OLFM3: variants seen among roughly 807,000 people sequenced by gnomAD.
OLFM3 encodes noelin-3.
A neutral mutation model predicts 48.6 loss-of-function variants in OLFM3; 20 were observed. The observed-to-expected ratio is 0.41, with a 90% CI of 0.29 to 0.60. The LOEUF is 0.60. Among genes scored for constraint, OLFM3 ranks in the 20% least tolerant of loss-of-function variants. The pLI, the probability that OLFM3 is intolerant of heterozygous loss-of-function variation, is 0.28. For synonymous variants in OLFM3, 222 were observed against 198.1 expected, an observed-to-expected ratio of 1.12 and a Z score of -1.01; for missense variants, 437 against 544.3, an observed-to-expected ratio of 0.80 and a Z score of 1.96.
At chr1:101,868,765 A>T (rs12033269) in intron 1 of OLFM3, among the ~76,000 whole-genome samples, 10,044 of 152,212 alleles carry the variant, frequency 0.066, 794 homozygotes, top group East Asian at 0.32. Context: ...GGCTGGGCCC[A>T]GGCTTCCCCT....
At chr1:101,831,911 T>C (rs1655170878) in intron 2 of OLFM3, among the ~76,000 whole-genome samples, 1 of 152,240 alleles carries the variant, frequency 6.6e-6, no homozygotes, top group Admixed American at 6.5e-5. Context: ...TTGTTGTTGC[T>C]GTTTTTTGTG....
rs79596177 is a variant in OLFM3 at position 101,905,895 on chromosome 1, G to T, written c.70-68870C>A. Among the ~76,000 whole-genome samples the T allele has an allele frequency of 7.9e-3, 1,197 of 152,150 alleles. 21 individuals are homozygous for T. The highest frequency in any genetic ancestry group is 0.028 in the African/African-American group (1,155 of 41,490). On this transcript the variant is annotated intron_variant, in intron 1 of 5. Transcript: ENST00000370103. ...ACCACAATTCTCAGCAATGCAACCA[G>T]GAAATGATCTACTCTTATTGTATTA... is the stretch of plus-strand genomic sequence containing the variant.
chr1:101,865,504 G>T (rs1416420356), intron 1 of OLFM3, among the ~76,000 whole-genome samples: 2 of 152,092 alleles, frequency 1.3e-5, no homozygotes, highest in African/African-American at 4.8e-5. Flanking sequence ...TATTCTGGTA[G>T]CTTCTCCAAG....
intron 1 of OLFM3, among the ~76,000 whole-genome samples, chr1:101,925,994 A>T (rs557212317): frequency 6.6e-6 from 1 of 152,282 alleles, no homozygotes; most frequent in East Asian, 1.9e-4. Context: ...CTCTGACATG[A>T]GTGTCAAGGA....
chr1:101,956,086 G>GTTGTTTTTTTT, intron 1 of OLFM3, among the ~76,000 whole-genome samples: 1 of 105,054 alleles, frequency 9.5e-6, no homozygotes, highest in African/African-American at 3.9e-5. Flanking sequence ...ACAATAACAG[G>GTTGTTTTTTTT]TTTTTTTTTT....
chr1:101,982,719 T>C (rs900177209), intron 1 of OLFM3, among the ~76,000 whole-genome samples: 2 of 152,224 alleles, frequency 1.3e-5, no homozygotes, highest in Non-Finnish European at 2.9e-5. Context: ...TATCCCTTTT[T>C]TCCTGCATTC....
chr1:101,956,089 T>G (rs376216623), intron 1 of OLFM3, among the ~76,000 whole-genome samples: 3 of 108,578 alleles, frequency 2.8e-5, no homozygotes, highest in African/African-American at 3.7e-5. Context: ...ATAACAGGTT[T>G]TTTTTTTTTT....
At chr1:101,968,304 CTTCACACCATAA>C (rs1660678096) in intron 1 of OLFM3, among the ~76,000 whole-genome samples, 1 of 93,352 alleles carries the variant, frequency 1.1e-5, no homozygotes, top group Non-Finnish European at 2.2e-5. Flanking sequence ...CAGAAGAAAA[CTTCACACCATAA>C]AGAATTATGT....
Position 101,910,231 on chromosome 1 carries a change from C to T in OLFM3, c.70-73206G>A, listed in dbSNP as rs962566087. 15 of 569,410 alleles carry T rather than the reference C, an allele frequency of 2.6e-5. No individual in the cohort carries two copies. In the African/African-American group the frequency reaches 3.1e-4, roughly 12 times the overall value. 35.3% of individuals were successfully genotyped at this position (569,410 alleles called of 1,614,324 possible). A position where few individuals can be genotyped will look rare whatever the true frequency, so the allele number is the denominator to read the frequency against. ...CCTGTAATCCCAGCACTTTGGGAGG[C>T]CGAGGCGGGCGGATCACAAGGTCAG... On this transcript the variant is annotated intron_variant, in intron 1 of 5. Coordinates refer to ENST00000370103, the MANE Select transcript of OLFM3 (RefSeq NM_058170.4).
At chr1:101,927,132 T>TA (rs1208426932) in intron 1 of OLFM3, among the ~76,000 whole-genome samples, 1 of 152,070 alleles carries the variant, frequency 6.6e-6, no homozygotes, top group Non-Finnish European at 1.5e-5. Flanking sequence ...CCATCTTTTA[T>TA]AAAAATAGAA....
At chr1:101,930,054 A>G (rs17125778) in intron 1 of OLFM3, among the ~76,000 whole-genome samples, 7,103 of 152,258 alleles carry the variant, frequency 0.047, 532 homozygotes, top group African/African-American at 0.16. Context: ...AATTTGCTTT[A>G]GAAGAGGCAT....
chr1:101,847,054 C>T, intron 1 of OLFM3: 6 of 1,520,080 alleles, frequency 3.9e-6, no homozygotes, highest in Non-Finnish European at 5.3e-6. Context: ...GACTGCAGCG[C>T]GCCACATCTA....
intron 1 of OLFM3, among the ~76,000 whole-genome samples, chr1:101,966,367 C>A (rs1476758305): frequency 1.6e-5 from 2 of 124,804 alleles, no homozygotes; most frequent in Non-Finnish European, 3.6e-5. Context: ...CAGATAAGGT[C>A]TTACTGTGTT....
At chr1:101,895,879 A>T (rs1410765353) in intron 1 of OLFM3, among the ~76,000 whole-genome samples, 1 of 151,934 alleles carries the variant, frequency 6.6e-6, no homozygotes, top group Non-Finnish European at 1.5e-5. Flanking sequence ...TATTACTTTT[A>T]TTACTTACTC....
At chr1:101,828,066 G>GTCTCTCTCTCTCTCTCTCTC (rs200924384) in intron 3 of OLFM3, among the ~76,000 whole-genome samples, 1 of 141,898 alleles carries the variant, frequency 7.0e-6, no homozygotes, top group African/African-American at 2.6e-5. Context: ...CTCTCTCTCT[G>GTCTCTCTCTCTCTCTCTCTC]TCTCTCTCTC....
chr1:101,947,213 C>T (rs1659989968), intron 1 of OLFM3, among the ~76,000 whole-genome samples: 1 of 152,098 alleles, frequency 6.6e-6, no homozygotes, highest in Non-Finnish European at 1.5e-5. Context: ...TAATACCACA[C>T]AATGCTTGGT....
chr1:101,950,022 C>T (rs1047652992), intron 1 of OLFM3, among the ~76,000 whole-genome samples: 4 of 110,240 alleles, frequency 3.6e-5, no homozygotes, highest in African/African-American at 1.4e-4. Context: ...AGTGAGACTC[C>T]GTCTTAAAAA....
intron 1 of OLFM3, among the ~76,000 whole-genome samples, chr1:101,869,202 T>C (rs552417471): frequency 2.2e-4 from 33 of 152,278 alleles, no homozygotes; most frequent in Admixed American, 8.5e-4. Flanking sequence ...CTGGGAAAAC[T>C]GCAGGCACTC....
intron 1 of OLFM3, among the ~76,000 whole-genome samples, chr1:101,913,475 G>A (rs1173724148): frequency 6.6e-6 from 1 of 152,168 alleles, no homozygotes. Flanking sequence ...CTTAGCTTAT[G>A]AGTGGGAACG....
Sources: allele counts gnomAD v4.1 joint callset (sites outside exome capture counted in the v4.1 genomes callset), GRCh38; gene constraint gnomAD v4.1.1; transcripts MANE v1.5; gene names NCBI Gene and HGNC (gene_info 2026-07-23, HGNC 2026-07-21).